The following RCSD1 variants were observed in gnomAD, a reference collection of about 807,000 sequenced individuals.
RCSD1 encodes the protein RCSD domain containing 1.
RCSD1 carries 26 observed loss-of-function variants against 42.5 expected under a neutral mutation model. That is an observed-to-expected ratio of 0.61 (90% CI 0.45 to 0.85). The LOEUF (loss-of-function observed/expected upper bound fraction) is 0.85, where lower values mean the gene tolerates loss of function less well. Ranked by LOEUF, RCSD1 falls within the 40% of genes least tolerant of loss-of-function variation. The pLI, the probability that RCSD1 is intolerant of heterozygous loss-of-function variation, is 0.00. For synonymous variants in RCSD1, 220 were observed against 212.2 expected (o/e 1.04, Z -0.32); for missense variants, 571 against 528.3 (o/e 1.08, Z -0.79).
At chr1:167,633,216 C>G (rs1167259174) in intron 1 of RCSD1, among the ~76,000 whole-genome samples, 1 of 152,202 alleles carries the variant, frequency 6.6e-6, no homozygotes, top group African/African-American at 2.4e-5. Flanking sequence ...TAGATGCCAT[C>G]TGATCCCTGC....
At position 167,680,448 on chromosome 1, in the gene RCSD1, C is replaced by CTGTTTTTGTTTTTGTTTT. The variant is rs143240113; in HGVS notation, c.7-3426_7-3409dup. 8.8e-4 allele frequency among the ~76,000 whole-genome samples: 130 copies of CTGTTTTTGTTTTTGTTTT among 146,934 alleles called. 1 individual carries two copies. Among genetic ancestry groups the CTGTTTTTGTTTTTGTTTT allele is most frequent in the African/African-American group, 2.7e-3 (108 of 39,970 alleles). On this transcript the variant is annotated intron_variant, in intron 1 of 6. Coordinates refer to ENST00000367854, the MANE Select transcript of RCSD1 (RefSeq NM_052862.4). Reference sequence around the variant, plus strand: ...GGAAGAAACCAACCTTAGATGAGCCCTGTTTTTGTTTTTGTTTTTGTTTTT... The same window carrying CTGTTTTTGTTTTTGTTTT: ...GGAAGAAACCAACCTTAGATGAGCCCTGTTTTTGTTTTTGTTTTTGTTTTTGTTTTTGTTTTTGTTTTT...
intron 4 of RCSD1, 141 bp from the exon 5 acceptor site, chr1:167,693,958 G>T (rs1659436680): frequency 1.4e-6 from 1 of 716,618 alleles, no homozygotes; most frequent in Non-Finnish European, 2.3e-6. Flanking sequence ...TGGGACAGTG[G>T]ATAATGGGTT....
chr1:167,662,611 C>G (rs888252254), intron 1 of RCSD1, among the ~76,000 whole-genome samples: 4 of 152,166 alleles, frequency 2.6e-5, no homozygotes, highest in African/African-American at 4.8e-5. Flanking sequence ...CTCTCCTTTT[C>G]GAAAGAACGG....
In RCSD1 at chr1:167,685,468, C is replaced by A; in HGVS notation, c.156C>A (p.Pro52=). 6.2e-7 allele frequency: 1 copy of A among 1,613,904 alleles called. No individual in the cohort carries two copies. Among genetic ancestry groups the A allele is most frequent in the Non-Finnish European group, 8.5e-7 (1 of 1,179,920 alleles). The change falls in exon 3 of 7, where the codon CCC becomes CCA. Residue 52 remains proline (P), a synonymous_variant. Transcript: ENST00000367854. ...PTRRKPPCSL[P]LFPPKVDLGQ... is the part of the protein sequence containing the mutation. Reference sequence around the variant, plus strand: ...GAAGGAAACCGCCCTGTTCCCTCCCCCTGTTCCCCCCCAAGGTAGACCTGG... The same window carrying A: ...GAAGGAAACCGCCCTGTTCCCTCCCACTGTTCCCCCCCAAGGTAGACCTGG...
intron 1 of RCSD1, among the ~76,000 whole-genome samples, chr1:167,635,364 C>T (rs1467055220): frequency 6.6e-6 from 1 of 152,210 alleles, no homozygotes; most frequent in African/African-American, 2.4e-5. Context: ...CACTGGCCCC[C>T]ACTCAGCAGA....
chr1:167,686,547 G>A (rs1195536185), intron 3 of RCSD1, among the ~76,000 whole-genome samples: 6 of 152,206 alleles, frequency 3.9e-5, no homozygotes, highest in Non-Finnish European at 8.8e-5. Flanking sequence ...TGGGGGAGGG[G>A]AGGCCTGGAG....
intron 2 of RCSD1, among the ~76,000 whole-genome samples, chr1:167,685,214 G>T (rs988514409): frequency 1.3e-5 from 2 of 152,290 alleles, no homozygotes; most frequent in African/African-American, 4.8e-5. Flanking sequence ...ATGGTAAATA[G>T]AATTAATTTA....
At chr1:167,637,462 G>A (rs1379434561) in intron 1 of RCSD1, among the ~76,000 whole-genome samples, 1 of 152,152 alleles carries the variant, frequency 6.6e-6, no homozygotes, top group African/African-American at 2.4e-5. Flanking sequence ...CTAATACAAG[G>A]TAGAGAAAAC....
At chr1:167,704,458 A>C (rs2862866) in intron 6 of RCSD1, among the ~76,000 whole-genome samples, 36,024 of 152,128 alleles carry the variant, frequency 0.24, 4,624 homozygotes, top group Middle Eastern at 0.31. Flanking sequence ...AATAAAAGTA[A>C]CTACCTCATA....
chr1:167,654,596 AG>A (rs1214526763), intron 1 of RCSD1, among the ~76,000 whole-genome samples: 1 of 152,212 alleles, frequency 6.6e-6, no homozygotes, highest in East Asian at 1.9e-4. Context: ...AGAGATTGAC[AG>A]GGGCCTTATA....
At chr1:167,702,225 C>T (rs555753600) in intron 6 of RCSD1, among the ~76,000 whole-genome samples, 41 of 152,250 alleles carry the variant, frequency 2.7e-4, no homozygotes, top group African/African-American at 8.9e-4. Flanking sequence ...ATTTGTTCTT[C>T]GAGAGAAAAC....
chr1:167,680,213 T>C (rs774370849), intron 1 of RCSD1, among the ~76,000 whole-genome samples: 8 of 151,538 alleles, frequency 5.3e-5, no homozygotes, highest in Non-Finnish European at 1.2e-4. Flanking sequence ...AGAAAACAGA[T>C]CTAAGACATG....
At chr1:167,683,124 C>G (rs572187404) in intron 1 of RCSD1, among the ~76,000 whole-genome samples, 1 of 152,236 alleles carries the variant, frequency 6.6e-6, no homozygotes, top group Non-Finnish European at 1.5e-5. Context: ...AATGGAGGGA[C>G]AGCCACGGTA....
chr1:167,682,911 A>T (rs966621494), intron 1 of RCSD1, among the ~76,000 whole-genome samples: 2 of 152,216 alleles, frequency 1.3e-5, no homozygotes, highest in African/African-American at 4.8e-5. Context: ...AAAAGACAAA[A>T]ACCTAATGTC....
intron 1 of RCSD1, among the ~76,000 whole-genome samples, chr1:167,645,499 G>C (rs999448724): frequency 1.3e-5 from 2 of 152,216 alleles, no homozygotes; most frequent in African/African-American, 4.8e-5. Context: ...ACAAGACCAC[G>C]AGGCTGGGGA....
Position 167,688,641 on chromosome 1 carries a change from C to G in RCSD1, c.199-1408C>G, listed in dbSNP as rs551520248. On this transcript the variant is annotated intron_variant, in intron 3 of 6. Coordinates refer to ENST00000367854, the MANE Select transcript of RCSD1 (RefSeq NM_052862.4). ...GGGGATCCTGTAAGTCCAGCCCATG[C>G]TCTCCCTTGGTGTTGGGCTGTAAAA... Among the ~76,000 whole-genome samples, 4 of 152,340 alleles carry G rather than the reference C, an allele frequency of 2.6e-5. No individual in the cohort carries two copies. In the South Asian group the frequency reaches 8.3e-4, roughly 32 times the overall value.
Position 167,690,173 on chromosome 1 carries a change from A to C in RCSD1, c.270+53A>C, listed in dbSNP as rs140224946. On this transcript the variant is annotated intron_variant, in intron 4 of 6. Transcript: ENST00000367854. ...TACCTTTTATCTAACTCCACTTCTT[A>C]TCCAAAATTTGCATGACTTTGAGGC... The C allele has an allele frequency of 2.5e-6, 4 of 1,571,312 alleles. No homozygotes were observed. In the African/African-American group the frequency reaches 4.1e-5, roughly 16 times the overall value.
chr1:167,666,424 C>T (rs935313939), intron 1 of RCSD1, among the ~76,000 whole-genome samples: 1 of 152,158 alleles, frequency 6.6e-6, no homozygotes, highest in Non-Finnish European at 1.5e-5. Flanking sequence ...TTGAAAAATA[C>T]ATTATGAAAG....
chr1:167,650,103 G>A (rs778668224), intron 1 of RCSD1, among the ~76,000 whole-genome samples: 2 of 152,168 alleles, frequency 1.3e-5, no homozygotes, highest in Non-Finnish European at 2.9e-5. Context: ...GGGCCTCACC[G>A]GAATGATCAT....
Sources: allele counts gnomAD v4.1 joint callset (sites outside exome capture counted in the v4.1 genomes callset), GRCh38; gene constraint gnomAD v4.1.1; transcripts MANE v1.5; gene names NCBI Gene and HGNC (gene_info 2026-07-23, HGNC 2026-07-21).